WDR49: variants seen among roughly 807,000 people sequenced by gnomAD.
The protein encoded by WDR49 is WD repeat domain 49.
In WDR49, 107 loss-of-function variants were observed where a neutral mutation model predicts 119.5. The ratio of observed to expected loss-of-function variants is 0.90; its 90% CI spans 0.77 to 1.05. WDR49 has a LOEUF of 1.05. WDR49 is among the 50% of genes least tolerant of loss of function. WDR49 has a pLI of 0.00. For missense variants in WDR49, 1,240 were observed against 1,220.5 expected, an observed-to-expected ratio of 1.02 and a Z score of -0.24; for synonymous variants, 425 against 418.8, an observed-to-expected ratio of 1.01 and a Z score of -0.18.
chr3:167,613,005 C>T (rs1462109279), intron 5 of WDR49, among the ~76,000 whole-genome samples: 1 of 152,050 alleles, frequency 6.6e-6, no homozygotes, highest in African/African-American at 2.4e-5. Context: ...TGACTATAGT[C>T]AATAATAATG....
chr3:167,486,596 G>T (rs563542444), intron 18 of WDR49, among the ~76,000 whole-genome samples: 1 of 152,142 alleles, frequency 6.6e-6, no homozygotes, highest in South Asian at 2.1e-4. Flanking sequence ...AAGAGCAGGG[G>T]TCCCTATTCT....
chr3:167,518,480 G>T (rs925437478), intron 16 of WDR49, among the ~76,000 whole-genome samples: 1 of 152,006 alleles, frequency 6.6e-6, no homozygotes, highest in African/African-American at 2.4e-5. Flanking sequence ...TTCTCTGATG[G>T]CCAGTGATGA....
chr3:167,551,638 C>T (rs1406306162), intron 10 of WDR49, among the ~76,000 whole-genome samples: 2 of 151,872 alleles, frequency 1.3e-5, no homozygotes, highest in Non-Finnish European at 2.9e-5. Flanking sequence ...CTTCGGTAGC[C>T]TCCCTTGTAA....
At chr3:167,492,988 T>C (rs1447015724) in intron 18 of WDR49, among the ~76,000 whole-genome samples, 1 of 152,132 alleles carries the variant, frequency 6.6e-6, no homozygotes, top group Non-Finnish European at 1.5e-5. Context: ...AGCTTTTTGA[T>C]GCCTGCTCTG....
intron 10 of WDR49, among the ~76,000 whole-genome samples, chr3:167,547,000 T>C (rs1010811137): frequency 1.3e-5 from 2 of 151,860 alleles, no homozygotes; most frequent in Non-Finnish European, 2.9e-5. Context: ...TAGAGTCAAA[T>C]TTTGAATACT....
intron 16 of WDR49, among the ~76,000 whole-genome samples, chr3:167,519,544 A>C (rs1223751698): frequency 6.6e-6 from 1 of 152,160 alleles, no homozygotes; most frequent in Non-Finnish European, 1.5e-5. Flanking sequence ...ACAGAAAACA[A>C]AACATCACAT....
intron 7 of WDR49, among the ~76,000 whole-genome samples, chr3:167,587,380 G>A (rs1714873360): frequency 6.6e-6 from 1 of 152,176 alleles, no homozygotes; most frequent in Non-Finnish European, 1.5e-5. Context: ...AAAGTAATAT[G>A]TCTTCACTTC....
intron 7 of WDR49, among the ~76,000 whole-genome samples, chr3:167,581,806 A>C (rs1457894814): frequency 6.6e-6 from 1 of 152,212 alleles, no homozygotes; most frequent in Non-Finnish European, 1.5e-5. Context: ...AATCAGTATT[A>C]TTTACATACT....
intron 11 of WDR49, among the ~76,000 whole-genome samples, 158 bp downstream of exon 11, chr3:167,536,712 C>CATATAT (rs57802270): frequency 1.1e-3 from 156 of 136,880 alleles, no homozygotes; most frequent in Middle Eastern, 3.8e-3. Context: ...TATACACACA[C>CATATAT]ATATATATAT....
chr3:167,621,425 G>T (rs1307475772), intron 4 of WDR49, 42 bp downstream of exon 4: 4 of 1,428,244 alleles, frequency 2.8e-6, no homozygotes, highest in Non-Finnish European at 2.7e-6. Flanking sequence ...ACAGTTTGAT[G>T]ATTAAATCCA....
intron 2 of WDR49, among the ~76,000 whole-genome samples, chr3:167,640,168 G>A (rs555950858): frequency 2.6e-4 from 39 of 151,742 alleles, no homozygotes; most frequent in Non-Finnish European, 3.4e-4. Flanking sequence ...TTTTGCACCC[G>A]CATATATAAT....
At chr3:167,479,512 T>C (rs1316188339) in intron 18 of WDR49, among the ~76,000 whole-genome samples, 1 of 152,208 alleles carries the variant, frequency 6.6e-6, no homozygotes, top group Non-Finnish European at 1.5e-5. Context: ...GAGGAAATTG[T>C]GCCATACATT....
upstream of WDR49, among the ~76,000 whole-genome samples, chr3:167,655,925 C>A (rs76329542): frequency 0.035 from 5,305 of 151,508 alleles, 206 homozygotes; most frequent in East Asian, 0.16. Context: ...CTCTCTCTCT[C>A]TATATATATA....
At chr3:167,547,355 T>A (rs1042296020) in intron 10 of WDR49, among the ~76,000 whole-genome samples, 13 of 151,876 alleles carry the variant, frequency 8.6e-5, no homozygotes, top group African/African-American at 3.1e-4. Context: ...CTAATATAAA[T>A]AAAATTGTCA....
At chr3:167,482,398 G>C (rs1400826955) in intron 18 of WDR49, among the ~76,000 whole-genome samples, 1 of 151,964 alleles carries the variant, frequency 6.6e-6, no homozygotes, top group African/African-American at 2.4e-5. Flanking sequence ...GGCCAGGAGT[G>C]GTGACTCACG....
chr3:167,633,194 T>G (rs538843583), intron 2 of WDR49, among the ~76,000 whole-genome samples: 69 of 151,922 alleles, frequency 4.5e-4, no homozygotes, highest in Middle Eastern at 3.4e-3. Flanking sequence ...ACTAGATAGT[T>G]CTTAGAGATT....
intron 18 of WDR49, among the ~76,000 whole-genome samples, chr3:167,492,464 A>C (rs1464877879): frequency 7.2e-5 from 11 of 152,134 alleles, no homozygotes; most frequent in Non-Finnish European, 1.5e-4. Flanking sequence ...CAAATTCTTT[A>C]TATAGAAAAT....
At chr3:167,494,296 T>C (rs1296276434) in intron 18 of WDR49, among the ~76,000 whole-genome samples, 1 of 152,194 alleles carries the variant, frequency 6.6e-6, no homozygotes, top group East Asian at 1.9e-4. Flanking sequence ...ATTACTATAA[T>C]ATTGCTGCCT....
intron 7 of WDR49, among the ~76,000 whole-genome samples, chr3:167,596,650 C>T (rs1362707515): frequency 7.3e-6 from 1 of 136,874 alleles, no homozygotes. Flanking sequence ...TATTCTCACT[C>T]ATAGGTGGGA....
Sources: gnomAD v4.1 joint callset for allele counts (sites outside exome capture counted in the v4.1 genomes callset) on GRCh38, gnomAD v4.1.1 for gene constraint, MANE v1.5 for transcripts, NCBI Gene and HGNC (gene_info 2026-07-23, HGNC 2026-07-21) for gene names.